Variants in PARD3 observed in about 807,000 individuals in gnomAD.
PARD3 encodes the protein partitioning defective 3 homolog.
PARD3 carries 75 observed loss-of-function variants against 155.4 expected under a neutral mutation model. That is an observed-to-expected ratio of 0.48 (90% CI 0.40 to 0.58). The LOEUF is 0.58. Among genes scored for constraint, PARD3 ranks in the 20% least tolerant of loss-of-function variants. PARD3 has a pLI of 0.00. For missense variants in PARD3, 1,642 were observed against 1,721.7 expected, an observed-to-expected ratio of 0.95 and a Z score of 0.82; for synonymous variants, 576 against 610.5, an observed-to-expected ratio of 0.94 and a Z score of 0.83.
intron 19 of PARD3, among the ~76,000 whole-genome samples, chr10:34,326,763 T>A (rs1835073193): frequency 6.6e-6 from 1 of 152,210 alleles, no homozygotes; most frequent in Non-Finnish European, 1.5e-5. Flanking sequence ...ACTGAAAACC[T>A]AAATTATGTG....
intron 22 of PARD3, among the ~76,000 whole-genome samples, chr10:34,180,479 T>G (rs1589039093): frequency 6.6e-6 from 1 of 151,850 alleles, no homozygotes; most frequent in Non-Finnish European, 1.5e-5. Context: ...CAGGAAGGAG[T>G]CTCTCTTGAG....
intron 2 of PARD3, among the ~76,000 whole-genome samples, chr10:34,613,806 G>C (rs1334214890): frequency 6.6e-6 from 1 of 152,110 alleles, no homozygotes; most frequent in Non-Finnish European, 1.5e-5. Context: ...AACCAACTAG[G>C]GTGAATGTGG....
chr10:34,741,340 C>T (rs1194617450), intron 1 of PARD3, among the ~76,000 whole-genome samples: 1 of 151,744 alleles, frequency 6.6e-6, no homozygotes, highest in Non-Finnish European at 1.5e-5. Flanking sequence ...TGCACCACCA[C>T]ATCTGGCTAA....
intron 22 of PARD3, among the ~76,000 whole-genome samples, chr10:34,247,308 C>G (rs1954018019): frequency 6.6e-6 from 1 of 152,106 alleles, no homozygotes; most frequent in South Asian, 2.1e-4. Context: ...TCGAGACCAG[C>G]CTGGCCAACA....
chr10:34,616,944 A>AAAAT (rs2091296284), intron 2 of PARD3, among the ~76,000 whole-genome samples: 1 of 151,688 alleles, frequency 6.6e-6, no homozygotes, highest in African/African-American at 2.4e-5. Flanking sequence ...AAAAAAAAAA[A>AAAAT]AAAAATAACT....
In PARD3 at chr10:34,513,437, C is replaced by T. The variant is rs192569411; in HGVS notation, c.403+3542G>A. On this transcript the variant is annotated intron_variant, in intron 3 of 24. Coordinates refer to ENST00000374788, the MANE Select transcript of PARD3 (RefSeq NM_001184785.2). Reference sequence around the variant, plus strand: ...CTGGGACTACAGGCGTGTGCCACCACGCCCAGGTAATTTTTTTGTATTTTT... The same window carrying T: ...CTGGGACTACAGGCGTGTGCCACCATGCCCAGGTAATTTTTTTGTATTTTT... 7.0e-4 allele frequency among the ~76,000 whole-genome samples: 107 copies of T among 152,256 alleles called. 1 individual carries two copies. In the South Asian group the frequency reaches 7.7e-3, roughly 11 times the overall value.
intron 22 of PARD3, among the ~76,000 whole-genome samples, chr10:34,195,662 G>A (rs1053728194): frequency 1.3e-5 from 2 of 152,156 alleles, no homozygotes; most frequent in African/African-American, 2.4e-5. Context: ...CACATGTTCC[G>A]AGAAGAATGA....
intron 2 of PARD3, among the ~76,000 whole-genome samples, chr10:34,574,820 A>C (rs1387030850): frequency 6.6e-6 from 1 of 152,218 alleles, no homozygotes; most frequent in African/African-American, 2.4e-5. Context: ...TGGAATAAGA[A>C]ACATTTTCAA....
rs778058221 is a variant in PARD3 at position 34,637,408 on chromosome 10, C to T, written c.222+58910G>A. Among the ~76,000 whole-genome samples the T allele has an allele frequency of 1.3e-3, 199 of 152,206 alleles. 3 individuals are homozygous for T. Among genetic ancestry groups the T allele is most frequent in the Admixed American group, 3.9e-4 (6 of 15,286 alleles). Reference sequence around the variant, plus strand: ...TTGTACAATGAGAAACGTCCATTAACGTGAGAGCTCACCCCCATCCACAAG... The same window carrying T: ...TTGTACAATGAGAAACGTCCATTAATGTGAGAGCTCACCCCCATCCACAAG... On this transcript the variant is annotated intron_variant, in intron 2 of 24. Transcript: ENST00000374788.
intron 2 of PARD3, among the ~76,000 whole-genome samples, chr10:34,629,746 TA>T (rs2092165723): frequency 6.6e-6 from 1 of 152,236 alleles, no homozygotes; most frequent in Non-Finnish European, 1.5e-5. Flanking sequence ...GTGACTTATT[TA>T]AAACAATAAA....
intron 18 of PARD3, among the ~76,000 whole-genome samples, chr10:34,335,486 C>T (rs1836075771): frequency 6.6e-6 from 1 of 151,976 alleles, no homozygotes; most frequent in Non-Finnish European, 1.5e-5. Context: ...ACTTAAAAGA[C>T]CTTCCTGTGA....
chr10:34,638,112 G>A lies in PARD3; in HGVS notation c.222+58206C>T, dbSNP rs1330542785. 2.0e-5 allele frequency among the ~76,000 whole-genome samples: 3 copies of A among 152,198 alleles called. No homozygotes were observed. The East Asian group carries it at 5.8e-4, about 29-fold the overall frequency. On this transcript the variant is annotated intron_variant, in intron 2 of 24. Transcript: ENST00000374788. ...ACCAAAAGATAATTTGGACATTGTGGAGAGTGGACTAAAGGAGGCTGTGTG... is the reference window on the plus strand; with the variant it reads ...ACCAAAAGATAATTTGGACATTGTGAAGAGTGGACTAAAGGAGGCTGTGTG...
rs111605153 is a variant in PARD3, at chr10:34,590,607, G to A, written c.223-73448C>T. 2.5e-3 allele frequency among the ~76,000 whole-genome samples: 383 copies of A among 152,260 alleles called. 3 individuals carry two copies. The highest frequency in any genetic ancestry group is 8.5e-3 in the African/African-American group (355 of 41,542). Reference sequence around the variant, plus strand: ...GCTTTTGATTTTTGTGTTAGCCAAAGGAGAGGTCACGTTCAAAGGTGCCTT... The same window carrying A: ...GCTTTTGATTTTTGTGTTAGCCAAAAGAGAGGTCACGTTCAAAGGTGCCTT... On this transcript the variant is annotated intron_variant, in intron 2 of 24. Coordinates refer to ENST00000374788, the MANE Select transcript of PARD3 (RefSeq NM_001184785.2).
intron 2 of PARD3, among the ~76,000 whole-genome samples, chr10:34,625,447 C>T (rs1036603696): frequency 6.6e-6 from 1 of 152,218 alleles, no homozygotes; most frequent in Non-Finnish European, 1.5e-5. Flanking sequence ...CAGGTGCCTG[C>T]GCTGGTGGTG....
rs530628287 is a variant in PARD3, at chr10:34,115,614, A to G, written c.3668+3999T>C. 5.3e-5 allele frequency among the ~76,000 whole-genome samples: 8 copies of G among 152,322 alleles called. No individual in the cohort carries two copies. The East Asian group carries it at 1.5e-3, about 29-fold the overall frequency. ...GATGGATATGTTAGCTAACTTGATT[A>G]AACTTAATTAATTCTTTTATGCTAT... On this transcript the variant is annotated intron_variant, in intron 24 of 24. Coordinates refer to ENST00000374788, the MANE Select transcript of PARD3 (RefSeq NM_001184785.2).
intron 22 of PARD3, among the ~76,000 whole-genome samples, chr10:34,239,926 A>G (rs1441882763): frequency 2.0e-5 from 3 of 152,228 alleles, no homozygotes; most frequent in Non-Finnish European, 4.4e-5. Context: ...TTGGCAGGAA[A>G]TAGGATAGAT....
intron 2 of PARD3, among the ~76,000 whole-genome samples, chr10:34,610,677 T>C (rs1315322586): frequency 6.6e-6 from 1 of 152,220 alleles, no homozygotes; most frequent in African/African-American, 2.4e-5. Flanking sequence ...ATATATAATG[T>C]GGTTGCTGAC....
chr10:34,486,575 T>C (rs1251875036), intron 3 of PARD3, among the ~76,000 whole-genome samples: 2 of 152,162 alleles, frequency 1.3e-5, no homozygotes, highest in East Asian at 1.9e-4. Context: ...TTGGAAACAA[T>C]GTGATTAGAA....
At chr10:34,648,992 T>C (rs2092927231) in intron 2 of PARD3, among the ~76,000 whole-genome samples, 1 of 152,166 alleles carries the variant, frequency 6.6e-6, no homozygotes, top group South Asian at 2.1e-4. Context: ...CTACGTCTGC[T>C]AAGCATTAAA....
Sources: allele counts gnomAD v4.1 joint callset (sites outside exome capture counted in the v4.1 genomes callset), GRCh38; gene constraint gnomAD v4.1.1; transcripts MANE v1.5; gene names NCBI Gene and HGNC (gene_info 2026-07-23, HGNC 2026-07-21).